SYNDIG1: variants seen among roughly 807,000 people sequenced by gnomAD.
SYNDIG1 encodes the protein synapse differentiation-inducing gene protein 1.
A neutral mutation model predicts 19.4 loss-of-function variants in SYNDIG1; 9 were observed. The ratio of observed to expected loss-of-function variants is 0.46; its 90% CI spans 0.28 to 0.81. The LOEUF (loss-of-function observed/expected upper bound fraction) is 0.81. Among genes scored for constraint, SYNDIG1 ranks in the 30% least tolerant of loss-of-function variants. The pLI is 0.12. For synonymous variants in SYNDIG1, 141 were observed against 145.9 expected, an observed-to-expected ratio of 0.97 and a Z score of 0.24; for missense variants, 311 against 343.3, an observed-to-expected ratio of 0.91 and a Z score of 0.74.
At chr20:24,641,750 G>C (rs763746030) in intron 3 of SYNDIG1, among the ~76,000 whole-genome samples, 1 of 152,148 alleles carries the variant, frequency 6.6e-6, no homozygotes, top group Non-Finnish European at 1.5e-5. Context: ...GGAGCACGGA[G>C]TGTGCAGCAG....
At position 24,594,331 on chromosome 20, in the gene SYNDIG1, G is replaced by T. The variant is rs189693757; in HGVS notation, c.618+9338G>T. 1.7e-4 allele frequency among the ~76,000 whole-genome samples: 26 copies of T among 152,104 alleles called. 1 individual carries two copies. The highest frequency in any genetic ancestry group is 2.0e-4 in the Admixed American group (3 of 15,278). ...TGCTTGTTTTGTCGACTTTGTCGAAGATCAGGTGTATGGTTTTATTTCTGG... is the reference window on the plus strand; with the variant it reads ...TGCTTGTTTTGTCGACTTTGTCGAATATCAGGTGTATGGTTTTATTTCTGG... On this transcript the variant is annotated intron_variant, in intron 3 of 3. Transcript: ENST00000376862.
chr20:24,647,028 G>A lies in SYNDIG1; in HGVS notation c.619-18318G>A, dbSNP rs578163515. On this transcript the variant is annotated intron_variant, in intron 3 of 3. Transcript: ENST00000376862. The stretch of plus-strand genomic sequence containing the variant: ...ATTCTGTGATAGCAACACAAAATGG[G>A]CTAAGACAGCGACCCTCACGTAGTC... 1.6e-4 allele frequency among the ~76,000 whole-genome samples: 24 copies of A among 152,290 alleles called. No homozygotes were observed. The East Asian group carries it at 4.2e-3, about 27-fold the overall frequency.
chr20:24,618,073 G>A (rs2058972735), intron 3 of SYNDIG1, among the ~76,000 whole-genome samples: 2 of 143,902 alleles, frequency 1.4e-5, no homozygotes, highest in Non-Finnish European at 3.1e-5. Flanking sequence ...CGGGGGAAGA[G>A]GGAGAGCTCG....
intron 1 of SYNDIG1, among the ~76,000 whole-genome samples, chr20:24,482,317 C>T (rs1008376508): frequency 9.2e-5 from 14 of 152,166 alleles, no homozygotes; most frequent in Non-Finnish European, 1.9e-4. Flanking sequence ...GATGCACCTG[C>T]CTCAGCCTCC....
intron 3 of SYNDIG1, among the ~76,000 whole-genome samples, chr20:24,663,249 G>A (rs967895534): frequency 1.3e-5 from 2 of 152,178 alleles, no homozygotes; most frequent in African/African-American, 2.4e-5. Flanking sequence ...TATCTCCAGC[G>A]ATCAGGCCCC....
chr20:24,663,158 C>T (rs2059618504), intron 3 of SYNDIG1, among the ~76,000 whole-genome samples: 1 of 152,190 alleles, frequency 6.6e-6, no homozygotes, highest in Non-Finnish European at 1.5e-5. Context: ...GAAACTCTGG[C>T]TTCTATGACA....
At chr20:24,483,653 C>T (rs1376028550) in intron 1 of SYNDIG1, among the ~76,000 whole-genome samples, 2 of 152,348 alleles carry the variant, frequency 1.3e-5, no homozygotes, top group Admixed American at 6.5e-5. Flanking sequence ...CACCTGCCTG[C>T]GGCTGACCGT....
At chr20:24,472,305 G>A (rs1418055287) in intron 1 of SYNDIG1, among the ~76,000 whole-genome samples, 1 of 152,182 alleles carries the variant, frequency 6.6e-6, no homozygotes, top group Admixed American at 6.5e-5. Flanking sequence ...TGAAGGGCGT[G>A]AACACGATTC....
intron 3 of SYNDIG1, among the ~76,000 whole-genome samples, chr20:24,646,176 T>C (rs1421050193): frequency 6.6e-6 from 1 of 152,176 alleles, no homozygotes. Context: ...GAGGAAACCA[T>C]GCATGTTCCT....
At chr20:24,546,594 C>A (rs1051385101) in intron 2 of SYNDIG1, among the ~76,000 whole-genome samples, 1 of 152,178 alleles carries the variant, frequency 6.6e-6, no homozygotes, top group Non-Finnish European at 1.5e-5. Flanking sequence ...AGAGGTGGGG[C>A]CCACTTTGTG....
At position 24,559,088 on chromosome 20, in the gene SYNDIG1, T is replaced by A. The variant is rs139204771; in HGVS notation, c.480+15511T>A. The stretch of plus-strand genomic sequence containing the variant: ...CAAAGATAGGGAATCAACCTAAGTG[T>A]CTATTAATGGATAATTGGATTTTTT... On this transcript the variant is annotated intron_variant, in intron 2 of 3. Transcript: ENST00000376862. Among the ~76,000 whole-genome samples the A allele has an allele frequency of 1.3e-3, 196 of 152,290 alleles. 2 individuals carry two copies. The highest frequency in any genetic ancestry group is 3.5e-3 in the African/African-American group (147 of 41,566).
At chr20:24,648,641 G>A (rs1359513270) in intron 3 of SYNDIG1, among the ~76,000 whole-genome samples, 1 of 152,226 alleles carries the variant, frequency 6.6e-6, no homozygotes, top group Admixed American at 6.5e-5. Flanking sequence ...CCCAGCACCA[G>A]ACTGACAAGG....
chr20:24,610,570 A>G (rs1184263963), intron 3 of SYNDIG1, among the ~76,000 whole-genome samples: 1 of 152,164 alleles, frequency 6.6e-6, no homozygotes, highest in African/African-American at 2.4e-5. Context: ...GCATTGCCTG[A>G]TTGTTCTGGT....
intron 3 of SYNDIG1, among the ~76,000 whole-genome samples, chr20:24,595,743 A>G (rs1196614922): frequency 1.3e-5 from 2 of 152,130 alleles, no homozygotes; most frequent in Non-Finnish European, 2.9e-5. Context: ...CCAGCAATGT[A>G]TCCATTTCTT....
intron 1 of SYNDIG1, among the ~76,000 whole-genome samples, chr20:24,496,796 G>A (rs1048674496): frequency 7.9e-5 from 12 of 152,110 alleles, no homozygotes; most frequent in African/African-American, 2.7e-4. Context: ...CCAGAGCTGG[G>A]GGAGAAAAAA....
At chr20:24,517,783 AT>A (rs1264972060) in intron 1 of SYNDIG1, among the ~76,000 whole-genome samples, 6 of 144,576 alleles carry the variant, frequency 4.2e-5, no homozygotes, top group African/African-American at 7.6e-5. Context: ...ACATACACAC[AT>A]TTTTTTTGAA....
intron 1 of SYNDIG1, among the ~76,000 whole-genome samples, chr20:24,488,059 T>A (rs2056019627): frequency 6.6e-6 from 1 of 152,222 alleles, no homozygotes; most frequent in Admixed American, 6.5e-5. Flanking sequence ...TGACTCCATT[T>A]TAACCCACCA....
intron 2 of SYNDIG1, among the ~76,000 whole-genome samples, chr20:24,549,245 T>C (rs570101420): frequency 6.6e-6 from 1 of 152,320 alleles, no homozygotes; most frequent in African/African-American, 2.4e-5. Flanking sequence ...CACTCTCTAC[T>C]ATTCTTCCTT....
chr20:24,641,023 A>C (rs1480387852), intron 3 of SYNDIG1, among the ~76,000 whole-genome samples: 1 of 152,222 alleles, frequency 6.6e-6, no homozygotes, highest in African/African-American at 2.4e-5. Flanking sequence ...CCTAGCTCTT[A>C]CAATCTTAAA....
Sources: allele counts gnomAD v4.1 joint callset (sites outside exome capture counted in the v4.1 genomes callset), GRCh38; gene constraint gnomAD v4.1.1; transcripts MANE v1.5; gene names NCBI Gene and HGNC (gene_info 2026-07-23, HGNC 2026-07-21).